Variants in WDPCP observed in about 807,000 individuals in gnomAD.
WDPCP encodes the protein WD repeat-containing and planar cell polarity effector protein fritz homolog.
A neutral mutation model predicts 93.1 loss-of-function variants in WDPCP; 71 were observed. The observed-to-expected ratio is 0.76, with a 90% CI of 0.63 to 0.93. The LOEUF is 0.93. Among genes scored for constraint, WDPCP ranks in the 40% least tolerant of loss-of-function variants. WDPCP has a pLI of 0.00. For synonymous variants in WDPCP, 315 were observed against 315.0 expected (o/e 1.00, Z 0.00); for missense variants, 844 against 887.4 (o/e 0.95, Z 0.62).
chr2:63,427,160 T>C (rs562503264), intron 9 of WDPCP, among the ~76,000 whole-genome samples: 8 of 152,230 alleles, frequency 5.3e-5, no homozygotes, highest in African/African-American at 1.4e-4. Flanking sequence ...AACCCACTGA[T>C]AGCATGTGAC....
intron 6 of WDPCP, among the ~76,000 whole-genome samples, chr2:63,444,255 A>G (rs1697697568): frequency 6.6e-6 from 1 of 152,152 alleles, no homozygotes; most frequent in African/African-American, 2.4e-5. Context: ...CAAATGTCCT[A>G]TGGACTAGAG....
At chr2:63,428,665 G>A (rs902502423) in intron 9 of WDPCP, among the ~76,000 whole-genome samples, 1 of 152,120 alleles carries the variant, frequency 6.6e-6, no homozygotes, top group African/African-American at 2.4e-5. Context: ...TTGAAAACTG[G>A]AACAAGACAA....
chr2:63,653,603 T>C (rs1007315874), intron 2 of WDPCP, among the ~76,000 whole-genome samples: 1 of 152,022 alleles, frequency 6.6e-6, no homozygotes, highest in Non-Finnish European at 1.5e-5. Context: ...AAAATTTAAG[T>C]CCAATATCCA....
chr2:63,357,978 C>G (rs1403305349), intron 12 of WDPCP, among the ~76,000 whole-genome samples: 1 of 152,124 alleles, frequency 6.6e-6, no homozygotes, highest in Admixed American at 6.6e-5. Context: ...GAGCTGGAGG[C>G]TATTATCCTT....
chr2:63,166,848 T>C (rs928935658), intron 15 of WDPCP, among the ~76,000 whole-genome samples: 9 of 152,238 alleles, frequency 5.9e-5, no homozygotes, highest in African/African-American at 2.2e-4. Flanking sequence ...AATAAATTAC[T>C]GTTGACTGTA....
At chr2:63,166,405 A>G (rs1672982195) in intron 15 of WDPCP, among the ~76,000 whole-genome samples, 1 of 151,004 alleles carries the variant, frequency 6.6e-6, no homozygotes. Context: ...GTATATATTT[A>G]TGGGGTACAT....
In WDPCP at chr2:63,252,745, G is replaced by A. The variant is rs548391135; in HGVS notation, c.1915+6562C>T. 1.3e-4 allele frequency among the ~76,000 whole-genome samples: 20 copies of A among 152,142 alleles called. No homozygotes were observed. In the East Asian group the frequency reaches 1.4e-3, roughly 10 times the overall value. ...GGAAGTGAATGAACTACAAAATACC[G>A]CTGAAAGAAATCACAGACGACACCA... On this transcript the variant is annotated intron_variant, in intron 14 of 17. Coordinates refer to ENST00000272321, the MANE Select transcript of WDPCP (RefSeq NM_015910.7).
At chr2:63,800,978 C>CG (rs1670687000) in intron 2 of WDPCP, among the ~76,000 whole-genome samples, 1 of 152,152 alleles carries the variant, frequency 6.6e-6, no homozygotes, top group African/African-American at 2.4e-5. Context: ...CACTTGAGTC[C>CG]GGCAGGTCAA....
intron 2 of WDPCP, among the ~76,000 whole-genome samples, chr2:63,766,454 C>T (rs965907268): frequency 6.6e-6 from 1 of 151,730 alleles, no homozygotes; most frequent in African/African-American, 2.4e-5. Context: ...CTCAGCCTTC[C>T]ATTTAGCTGG....
chr2:63,435,944 G>A (rs1350738482), intron 8 of WDPCP, among the ~76,000 whole-genome samples: 1 of 151,904 alleles, frequency 6.6e-6, no homozygotes, highest in Non-Finnish European at 1.5e-5. Context: ...GGACCCAAAC[G>A]CTAGATGTCT....
chr2:63,336,364 T>C (rs1278338103), intron 12 of WDPCP, among the ~76,000 whole-genome samples: 4 of 152,194 alleles, frequency 2.6e-5, no homozygotes, highest in Non-Finnish European at 5.9e-5. Flanking sequence ...TTTTACCTAA[T>C]TGCTCTGACT....
chr2:63,319,117 C>T lies in WDPCP; in HGVS notation c.1749-5806G>A, dbSNP rs572478937. 2.6e-5 allele frequency among the ~76,000 whole-genome samples: 4 copies of T among 152,168 alleles called. No individual in the cohort carries two copies. In the South Asian group the frequency reaches 6.2e-4, roughly 24 times the overall value. On this transcript the variant is annotated intron_variant, in intron 12 of 17. Transcript: ENST00000272321. ...AAATAAGCATCAAGTCTTTGTGCAG[C>T]GACTCCTCCAATTTGTCGATTTTTG...
At chr2:63,269,232 G>A (rs1340535085) in intron 13 of WDPCP, among the ~76,000 whole-genome samples, 1 of 152,256 alleles carries the variant, frequency 6.6e-6, no homozygotes, top group South Asian at 2.1e-4. Context: ...CAAGTTTTCA[G>A]AAAGATATTC....
At chr2:63,226,110 G>T (rs553439982) in intron 14 of WDPCP, among the ~76,000 whole-genome samples, 9 of 151,990 alleles carry the variant, frequency 5.9e-5, no homozygotes, top group Admixed American at 5.9e-4. Context: ...GAAATCCCAT[G>T]CTTTGGAACA....
At chr2:63,279,848 C>A (rs934346105) in intron 13 of WDPCP, among the ~76,000 whole-genome samples, 20 of 151,896 alleles carry the variant, frequency 1.3e-4, no homozygotes, top group Non-Finnish European at 2.6e-4. Flanking sequence ...AAGAACTCAA[C>A]CCCTTTTACA....
chr2:63,317,526 A>G (rs1405408648), intron 12 of WDPCP, among the ~76,000 whole-genome samples: 2 of 152,222 alleles, frequency 1.3e-5, no homozygotes, highest in Non-Finnish European at 2.9e-5. Flanking sequence ...ACAAAGCTAC[A>G]GTAAACTAAG....
intron 14 of WDPCP, among the ~76,000 whole-genome samples, chr2:63,212,089 C>G (rs1676866978): frequency 6.6e-6 from 1 of 152,074 alleles, no homozygotes; most frequent in Admixed American, 6.6e-5. Flanking sequence ...GCAAGGCAGG[C>G]CAACATTCAA....
rs149871511 is a variant in WDPCP, at chr2:63,752,796, A to G, written n.308+60826T>C. Among the ~76,000 whole-genome samples the G allele has an allele frequency of 4.1e-3, 627 of 152,172 alleles. 3 individuals carry two copies. The highest frequency in any genetic ancestry group is 0.014 in the African/African-American group (588 of 41,522). On this transcript the variant is annotated intron_variant and non_coding_transcript_variant, in intron 2 of 4. Transcript: ENST00000467687. ...CAACCTCCGCTTCCCAGGTTCAAGC[A>G]ACTCTCCTGTCTCAGCCTCCTGAGT... is the stretch of plus-strand genomic sequence containing the variant.
chr2:63,551,739 AG>A (rs1339357272), intron 1 of WDPCP, among the ~76,000 whole-genome samples: 15 of 152,316 alleles, frequency 9.8e-5, no homozygotes, highest in Admixed American at 3.3e-4. Context: ...ATATGTTAAA[AG>A]CAAAATGCTG....
Sources: gnomAD v4.1 joint callset for allele counts (sites outside exome capture counted in the v4.1 genomes callset) on GRCh38, gnomAD v4.1.1 for gene constraint, MANE v1.5 for transcripts, NCBI Gene and HGNC (gene_info 2026-07-23, HGNC 2026-07-21) for gene names.